ZNF230: variants seen among roughly 807,000 people sequenced by gnomAD.
The protein encoded by ZNF230 is zinc finger protein 230, also known as zinc finger protein FDZF2.
ZNF230 carries 12 observed loss-of-function variants against 10.0 expected under a neutral mutation model. The ratio of observed to expected loss-of-function variants is 1.20; its 90% confidence interval spans 0.77 to 1.95. The LOEUF is 1.95. Among genes scored for constraint, ZNF230 ranks in the 30% most tolerant of loss-of-function variants. The pLI is 0.00. For synonymous variants in ZNF230, 174 were observed against 193.6 expected (o/e 0.90, Z 0.84); for missense variants, 532 against 565.8 (o/e 0.94, Z 0.61).
rs977619395 is a variant in ZNF230, at chr19:44,012,625, A to T, written c.*1161A>T. On this transcript the variant is annotated 3_prime_UTR_variant, in exon 5 of 5. Coordinates refer to ENST00000429154, the MANE Select transcript of ZNF230 (RefSeq NM_006300.4). Reference sequence around the variant, plus strand: ...AATGATGAACATGTCAAAAGTGGTGACCACTAGAATGTCAACTACAGGTAC... The same window carrying T: ...AATGATGAACATGTCAAAAGTGGTGTCCACTAGAATGTCAACTACAGGTAC... 1 of 388,288 alleles carries T rather than the reference A, an allele frequency of 2.6e-6. No individual in the cohort carries two copies. The highest frequency in any genetic ancestry group is 2.1e-5 in the African/African-American group (1 of 47,846). 24.1% of individuals were successfully genotyped at this position (388,288 alleles called of 1,614,324 possible).
At position 44,011,088 on chromosome 19, in the gene ZNF230, A is replaced by G. The variant is rs1976176794; in HGVS notation, c.1049A>G (p.Tyr350Cys). The change falls in exon 5 of 5, where the codon TAT becomes TGT. Residue 350 changes from tyrosine (Y) to cysteine (C), a missense_variant. By Grantham distance (194) the Tyr-to-Cys change is radical. Transcript: ENST00000429154. ...GGGAAGAGCTTCAGATGGTCCTCAT[A>G]TCTTTTGATCCATCAGCGAATCCAC... ...ECGKSFRWSS[Y>C]LLIHQRIHSG... 2.5e-6 allele frequency: 4 copies of G among 1,614,188 alleles called. No individual in the cohort carries two copies. Among genetic ancestry groups the G allele is most frequent in the Non-Finnish European group, 2.5e-6 (3 of 1,180,010 alleles).
chr19:44,003,073 A>C lies in ZNF230; in HGVS notation c.-103A>C, dbSNP rs1460769466. Reference sequence around the variant, plus strand: ...GCAACGACCCGATGATCGATGATCCAAGCAAGGGAAAAGAAGCCTTGGCGG... The same window carrying C: ...GCAACGACCCGATGATCGATGATCCCAGCAAGGGAAAAGAAGCCTTGGCGG... On this transcript the variant is annotated 5_prime_UTR_variant, in exon 1 of 5. Transcript: ENST00000429154. 8 of 152,374 alleles carry C rather than the reference A, an allele frequency of 5.3e-5. No homozygotes were observed. The highest frequency in any genetic ancestry group is 1.9e-4 in the African/African-American group (8 of 41,422). 9.4% of individuals were successfully genotyped at this position (152,374 alleles called of 1,614,324 possible).
rs572451984 is a variant in ZNF230 at position 44,010,986 on chromosome 19, G to T, written c.947G>T (p.Gly316Val). 1 of 1,614,208 alleles carries T rather than the reference G, an allele frequency of 6.2e-7. No homozygotes were observed. Among genetic ancestry groups the T allele is most frequent in the African/African-American group, 1.3e-5 (1 of 75,046 alleles). The change falls in exon 5 of 5, where the codon GGC becomes GTC. Residue 316 changes from glycine to valine, a missense_variant. Gly to Val is a moderately radical substitution (Grantham distance 109). Coordinates refer to ENST00000429154, the MANE Select transcript of ZNF230 (RefSeq NM_006300.4). ...KLYKSEECGK[G>V]FTDSLDLHKH... Reference sequence around the variant, plus strand: ...TACAAATCTGAGGAGTGTGGAAAAGGCTTCACTGATAGCCTAGATTTGCAT... The same window carrying T: ...TACAAATCTGAGGAGTGTGGAAAAGTCTTCACTGATAGCCTAGATTTGCAT...
intron 4 of ZNF230, among the ~76,000 whole-genome samples, chr19:44,009,641 G>A (rs1258601831): frequency 6.6e-6 from 1 of 152,078 alleles, no homozygotes; most frequent in African/African-American, 2.4e-5. Flanking sequence ...CAACACTTTT[G>A]TTCTTTCTGA....
chr19:44,012,076 T>TAAAAA lies in ZNF230; in HGVS notation c.*612_*613insAAAAA. On this transcript the variant is annotated 3_prime_UTR_variant, in exon 5 of 5. Coordinates refer to ENST00000429154, the MANE Select transcript of ZNF230 (RefSeq NM_006300.4). ...ATCTGATCCACATACTGATTTCCTT[T>TAAAAA]GCTTTGGATATACTCAATAGTGGGA... is the stretch of plus-strand genomic sequence containing the variant. 2.1e-5 allele frequency: 4 copies of TAAAAA among 194,674 alleles called. No homozygotes were observed. Among genetic ancestry groups the TAAAAA allele is most frequent in the East Asian group, 1.5e-4 (1 of 6,452 alleles). 12.1% of individuals were successfully genotyped at this position (194,674 alleles called of 1,614,324 possible).
At chr19:44,006,918 G>T in intron 1 of ZNF230, 93 bp from the exon 2 acceptor site, 1 of 599,292 alleles carries the variant, frequency 1.7e-6, no homozygotes. Context: ...GAATAATGCT[G>T]CTGTGATCAT....
intron 4 of ZNF230, among the ~76,000 whole-genome samples, chr19:44,010,053 G>GT (rs1976160174): frequency 6.6e-6 from 1 of 152,172 alleles, no homozygotes; most frequent in Non-Finnish European, 1.5e-5. Context: ...TATTATATCA[G>GT]TTTTTTAATG....
chr19:44,009,033 A>C, intron 3 of ZNF230, 51 bp from the exon 4 acceptor site: 1 of 1,608,132 alleles, frequency 6.2e-7, no homozygotes. Flanking sequence ...TTTTACCTTG[A>C]TATTACCTAG....
Position 44,012,050 on chromosome 19 carries a change from T to A in ZNF230, c.*586T>A, listed in dbSNP as rs1012980344. 1.3e-5 allele frequency: 3 copies of A among 229,636 alleles called. No individual in the cohort carries two copies. The highest frequency in any genetic ancestry group is 7.0e-5 in the African/African-American group (3 of 42,708). The allele number at this position is 229,636 out of a possible 1,614,324, so 14.2% of individuals were successfully genotyped here. A position where few individuals can be genotyped will look rare whatever the true frequency, so the allele number is the denominator to read the frequency against. ...GCTCCAATGAACATGGTAGTGTAGA[T>A]ATCTGATCCACATACTGATTTCCTT... On this transcript the variant is annotated 3_prime_UTR_variant, in exon 5 of 5. Transcript: ENST00000429154.
intron 4 of ZNF230, among the ~76,000 whole-genome samples, chr19:44,009,742 A>G (rs1001291632): frequency 2.0e-5 from 3 of 152,220 alleles, no homozygotes; most frequent in Non-Finnish European, 2.9e-5. Flanking sequence ...AGAGTGATCC[A>G]GAGTTGGCAC....
chr19:44,003,055 C>T lies in ZNF230; in HGVS notation c.-121C>T, dbSNP rs1976082330. 1 of 152,268 alleles carries T rather than the reference C, an allele frequency of 6.6e-6. No individual in the cohort carries two copies. The highest frequency in any genetic ancestry group is 1.5e-5 in the Non-Finnish European group (1 of 68,062). 9.4% of individuals were successfully genotyped at this position (152,268 alleles called of 1,614,324 possible). A position where few individuals can be genotyped will look rare whatever the true frequency, so the allele number is the denominator to read the frequency against. On this transcript the variant is annotated 5_prime_UTR_variant, in exon 1 of 5. Coordinates refer to ENST00000429154, the MANE Select transcript of ZNF230 (RefSeq NM_006300.4). ...TCACCTTCGCTTGGGGTCGCAACGA[C>T]CCGATGATCGATGATCCAAGCAAGG...
Position 44,010,940 on chromosome 19 carries a change from G to A in ZNF230, c.901G>A (p.Val301Ile), listed in dbSNP as rs748850994. 71 of 1,614,042 alleles carry A rather than the reference G, an allele frequency of 4.4e-5. No homozygotes were observed. The highest frequency in any genetic ancestry group is 3.3e-4 in the Middle Eastern group (2 of 6,084). ...GTCAAGTCTTAATAGGCATTGCATG[G>A]TCCACACAGCAGAGAAACTGTACAA... is the stretch of plus-strand genomic sequence containing the variant. Reference protein sequence around the residue: ...LRSSLNRHCMVHTAEKLYKSE... With the variant: ...LRSSLNRHCMIHTAEKLYKSE... Residue 301 changes from valine (V) to isoleucine (I), a missense_variant, in exon 5 of 5, where the codon GTC becomes ATC. Val to Ile is a conservative substitution (Grantham distance 29). Transcript: ENST00000429154.
intron 2 of ZNF230, among the ~76,000 whole-genome samples, chr19:44,007,696 A>T (rs1225446021): frequency 6.6e-6 from 1 of 152,080 alleles, no homozygotes; most frequent in Admixed American, 6.5e-5. Context: ...TTCTGTCTCA[A>T]TCCATGCAGC....
rs1452142872 is a variant in ZNF230 at position 44,012,464 on chromosome 19, A to G, written c.*1000A>G. On this transcript the variant is annotated 3_prime_UTR_variant, in exon 5 of 5. Coordinates refer to ENST00000429154, the MANE Select transcript of ZNF230 (RefSeq NM_006300.4). ...ATTCAGTGTTTCACCATAGCTCAGC[A>G]TTCTCCCATCATCCTAGGACCATCG... 1 of 519,078 alleles carries G rather than the reference A, an allele frequency of 1.9e-6. No homozygotes were observed. Among genetic ancestry groups the G allele is most frequent in the East Asian group, 5.4e-5 (1 of 18,364 alleles). The allele number at this position is 519,078 out of a possible 1,614,324, so 32.2% of individuals were successfully genotyped here.
rs6413543 is a variant in ZNF230 at position 44,011,517 on chromosome 19, C to A, written c.*53C>A. 3 of 1,445,636 alleles carry A rather than the reference C, an allele frequency of 2.1e-6. No individual in the cohort carries two copies. Among genetic ancestry groups the A allele is most frequent in the Non-Finnish European group, 2.8e-6 (3 of 1,071,556 alleles). The allele number at this position is 1,445,636 out of a possible 1,614,324, so 89.6% of individuals were successfully genotyped here. ...GAAATTTTAATATGTGTATATAATA[C>A]GTAATGATCAAATTGATGTAATTAG... On this transcript the variant is annotated 3_prime_UTR_variant, in exon 5 of 5. Coordinates refer to ENST00000429154, the MANE Select transcript of ZNF230 (RefSeq NM_006300.4).
chr19:44,007,140 T>A, intron 2 of ZNF230, 47 bp downstream of exon 2: 1 of 1,575,254 alleles, frequency 6.3e-7, no homozygotes, highest in Non-Finnish European at 8.7e-7. Flanking sequence ...ATCTTATTGC[T>A]CATATTGTCA....
At chr19:44,009,303 G>T in intron 4 of ZNF230, 133 bp downstream of exon 4, 1 of 1,011,722 alleles carries the variant, frequency 9.9e-7, no homozygotes, top group Non-Finnish European at 1.5e-6. Flanking sequence ...ACCCCTTTCT[G>T]GCTGGTGGTC....
In ZNF230 at chr19:44,012,057, T is replaced by TAGTCG; in HGVS notation, c.*593_*594insAGTCG. The TAGTCG allele has an allele frequency of 5.1e-6, 1 of 196,002 alleles. No homozygotes were observed. Among genetic ancestry groups the TAGTCG allele is most frequent in the Non-Finnish European group, 1.0e-5 (1 of 95,498 alleles). The allele number at this position is 196,002 out of a possible 1,614,324, so 12.1% of individuals were successfully genotyped here. On this transcript the variant is annotated 3_prime_UTR_variant, in exon 5 of 5. Coordinates refer to ENST00000429154, the MANE Select transcript of ZNF230 (RefSeq NM_006300.4). ...TGAACATGGTAGTGTAGATATCTGA[T>TAGTCG]CCACATACTGATTTCCTTTGCTTTG...
In ZNF230 at chr19:44,012,116, G is replaced by A. The variant is rs1205326169; in HGVS notation, c.*652G>A. ...CAATAGTGGGATTGCTAGATCACTCGAATCTTATGCCTCAGAGGCTTGACA... is the reference window on the plus strand; with the variant it reads ...CAATAGTGGGATTGCTAGATCACTCAAATCTTATGCCTCAGAGGCTTGACA... On this transcript the variant is annotated 3_prime_UTR_variant, in exon 5 of 5. Transcript: ENST00000429154. The A allele has an allele frequency of 2.2e-5, 6 of 275,796 alleles. No homozygotes were observed. The highest frequency in any genetic ancestry group is 1.0e-4 in the Admixed American group (2 of 19,572). The allele number at this position is 275,796 out of a possible 1,614,324, so 17.1% of individuals were successfully genotyped here.
Sources: allele counts gnomAD v4.1 joint callset (sites outside exome capture counted in the v4.1 genomes callset), GRCh38; gene constraint gnomAD v4.1.1; transcripts MANE v1.5; gene names NCBI Gene and HGNC (gene_info 2026-07-23, HGNC 2026-07-21).